The following RAB11FIP3 variants were observed in gnomAD, a reference collection of about 807,000 sequenced individuals.
The protein encoded by RAB11FIP3 is RAB11 family interacting protein 3.
Under a neutral mutation model 77.8 loss-of-function variants are expected in RAB11FIP3, and 17 were observed. The observed-to-expected ratio is 0.22, with a 90% CI of 0.15 to 0.33. RAB11FIP3 has a LOEUF of 0.33. RAB11FIP3 is among the 10% of genes least tolerant of loss of function. RAB11FIP3 has a pLI of 1.00. For synonymous variants in RAB11FIP3, 437 were observed against 448.2 expected (o/e 0.98, Z 0.31); for missense variants, 1,005 against 1,011.2 (o/e 0.99, Z 0.08).
rs187126681 is a variant in RAB11FIP3 at position 516,416 on chromosome 16, C to G, written c.1641-2527C>G. ...ATGAGGTGCTTACACTAAAAACCCC[C>G]CATGAGCACAGACACTGAGGTTATC... On this transcript the variant is annotated intron_variant, in intron 9 of 13. Transcript: ENST00000262305. Among the ~76,000 whole-genome samples the G allele has an allele frequency of 1.8e-3, 281 of 152,304 alleles. 2 individuals are homozygous for G. The highest frequency in any genetic ancestry group is 6.5e-3 in the African/African-American group (269 of 41,566).
chr16:494,188 C>CT (rs2030893523), intron 5 of RAB11FIP3, among the ~76,000 whole-genome samples: 1 of 150,014 alleles, frequency 6.7e-6, no homozygotes. Context: ...CGCACCTGGC[C>CT]ACCTGGAGGT....
chr16:474,277 C>T (rs1357013443), intron 3 of RAB11FIP3, among the ~76,000 whole-genome samples: 1 of 152,058 alleles, frequency 6.6e-6, no homozygotes, highest in African/African-American at 2.4e-5. Flanking sequence ...CCAGTCAGAC[C>T]CATTTCTCTT....
At chr16:454,690 C>G (rs2055467326) in intron 1 of RAB11FIP3, among the ~76,000 whole-genome samples, 1 of 152,118 alleles carries the variant, frequency 6.6e-6, no homozygotes, top group African/African-American at 2.4e-5. Context: ...GGAACAGAAG[C>G]CAACTTTCCT....
chr16:463,668 C>G (rs2055656077), intron 2 of RAB11FIP3, among the ~76,000 whole-genome samples: 1 of 152,156 alleles, frequency 6.6e-6, no homozygotes, highest in African/African-American at 2.4e-5. Flanking sequence ...GAACTCCTGA[C>G]CTCAGGTGAT....
chr16:518,639 C>T (rs1236187489), intron 9 of RAB11FIP3, among the ~76,000 whole-genome samples: 1 of 152,098 alleles, frequency 6.6e-6, no homozygotes, highest in South Asian at 2.1e-4. Context: ...GCAGGAGAAT[C>T]GCTTGAACCC....
At chr16:516,431 C>G (rs887741654) in intron 9 of RAB11FIP3, among the ~76,000 whole-genome samples, 2 of 152,206 alleles carry the variant, frequency 1.3e-5, no homozygotes, top group African/African-American at 4.8e-5. Context: ...AGCACAGACA[C>G]TGAGGTTATC....
intron 9 of RAB11FIP3, among the ~76,000 whole-genome samples, chr16:513,089 T>C (rs1322049481): frequency 6.6e-6 from 1 of 152,250 alleles, no homozygotes; most frequent in Admixed American, 6.5e-5. Flanking sequence ...GGGACGGTTA[T>C]TGATTTTCTG....
In RAB11FIP3 at chr16:472,664, C is replaced by T. The variant is rs910756874; in HGVS notation, c.903+1275C>T. Among the ~76,000 whole-genome samples, 2 of 152,178 alleles carry T rather than the reference C, an allele frequency of 1.3e-5. No individual in the cohort carries two copies. The highest frequency in any genetic ancestry group is 2.4e-5 in the African/African-American group (1 of 41,446). On this transcript the variant is annotated intron_variant, in intron 3 of 13. Transcript: ENST00000262305. The surrounding 1 kb of genome is among the most constrained non-coding windows in gnomAD (Gnocchi z 4.1). ...TCATGTGCCTGTGCACTCTTTCTCACGTGTATCCGTCTTTTTGTTCCCCTC... is the reference window on the plus strand; with the variant it reads ...TCATGTGCCTGTGCACTCTTTCTCATGTGTATCCGTCTTTTTGTTCCCCTC...
chr16:443,656 C>CCTAGT, intron 1 of RAB11FIP3, among the ~76,000 whole-genome samples: 1 of 152,170 alleles, frequency 6.6e-6, no homozygotes, highest in Non-Finnish European at 1.5e-5. Flanking sequence ...ACCTCTGCCT[C>CCTAGT]CCAGGTTCAA....
Position 426,100 on chromosome 16 carries a change from C to G in RAB11FIP3, c.94C>G (p.Leu32Val). 1 of 1,005,234 alleles carries G rather than the reference C, an allele frequency of 9.9e-7. No individual in the cohort carries two copies. The highest frequency in any genetic ancestry group is 1.2e-6 in the Non-Finnish European group (1 of 844,532). The allele number at this position is 1,005,234 out of a possible 1,614,324, so 62.3% of individuals were successfully genotyped here. Residue 32 changes from leucine to valine, a missense_variant, in exon 1 of 14, where the codon CTG (leucine) becomes GTG (valine). This residue lies in a region of RAB11FIP3 where 466 missense variants were observed against 408.3 expected (regional missense o/e 1.14). Coordinates refer to ENST00000262305, the MANE Select transcript of RAB11FIP3 (RefSeq NM_014700.4). The surrounding 1 kb of genome is among the most constrained non-coding windows in gnomAD (Gnocchi z 5.0). ...GGPDGPGAAQ[L>V]APGPAELRLG... ...GCCGGACGGGCCGGGGGCGGCACAA[C>G]TGGCTCCGGGCCCTGCGGAGCTACG...
At chr16:477,244 G>A (rs1428148736) in intron 3 of RAB11FIP3, among the ~76,000 whole-genome samples, 3 of 152,130 alleles carry the variant, frequency 2.0e-5, no homozygotes, top group African/African-American at 7.2e-5. Context: ...ACAAGAGCGA[G>A]ACTCTATCAA....
At chr16:479,884 C>T (rs2055998708) in intron 3 of RAB11FIP3, among the ~76,000 whole-genome samples, 1 of 152,122 alleles carries the variant, frequency 6.6e-6, no homozygotes, top group African/African-American at 2.4e-5. Context: ...CACCATTGCA[C>T]TCCAGCCTGG....
At chr16:480,010 G>A (rs1413441453) in intron 3 of RAB11FIP3, among the ~76,000 whole-genome samples, 2 of 152,104 alleles carry the variant, frequency 1.3e-5, no homozygotes, top group Non-Finnish European at 2.9e-5. Context: ...AATTCAGCCA[G>A]GCACGGTGGC....
intron 5 of RAB11FIP3, among the ~76,000 whole-genome samples, chr16:490,450 C>G (rs1397979518): frequency 1.3e-5 from 2 of 152,192 alleles, no homozygotes; most frequent in Non-Finnish European, 2.9e-5. Context: ...CAGCCTCCAC[C>G]TCCCTCAGCT....
chr16:488,039 T>A (rs1338664972), intron 4 of RAB11FIP3, among the ~76,000 whole-genome samples: 1 of 152,170 alleles, frequency 6.6e-6, no homozygotes, highest in East Asian at 1.9e-4. Flanking sequence ...GTGAAGAGGC[T>A]GGAGGTTTTG....
chr16:520,992 G>C lies in RAB11FIP3; in HGVS notation c.*153G>C, dbSNP rs987343225. ...GTGCAGCTGAGCTGGGGCCGCCAAAGACCGGGGCTGCCAAAGGGGCAGAGG... is the reference window on the plus strand; with the variant it reads ...GTGCAGCTGAGCTGGGGCCGCCAAACACCGGGGCTGCCAAAGGGGCAGAGG... On this transcript the variant is annotated 3_prime_UTR_variant, in exon 14 of 14. Transcript: ENST00000262305. 1 of 667,322 alleles carries C rather than the reference G, an allele frequency of 1.5e-6. No homozygotes were observed. Among genetic ancestry groups the C allele is most frequent in the Non-Finnish European group, 2.7e-6 (1 of 376,988 alleles). 41.3% of individuals were successfully genotyped at this position (667,322 alleles called of 1,614,324 possible). A position where few individuals can be genotyped will look rare whatever the true frequency, so the allele number is the denominator to read the frequency against.
chr16:495,161 A>G (rs1009353273), intron 5 of RAB11FIP3, among the ~76,000 whole-genome samples: 2 of 152,236 alleles, frequency 1.3e-5, no homozygotes, highest in Admixed American at 6.5e-5. Flanking sequence ...TCATTAGGGA[A>G]AGGAAAAGAA....
chr16:459,275 C>T (rs2055562334), intron 1 of RAB11FIP3, among the ~76,000 whole-genome samples: 2 of 151,462 alleles, frequency 1.3e-5, no homozygotes, highest in Admixed American at 6.6e-5. Context: ...TACAGGTTCC[C>T]ACCACCACGC....
chr16:477,375 T>G (rs1043843799), intron 3 of RAB11FIP3, among the ~76,000 whole-genome samples: 4 of 152,244 alleles, frequency 2.6e-5, no homozygotes, highest in Non-Finnish European at 5.9e-5. Context: ...TCTTTGTCAC[T>G]GATGACTCTG....
Sources: allele counts gnomAD v4.1 joint callset (sites outside exome capture counted in the v4.1 genomes callset), GRCh38; gene constraint gnomAD v4.1.1; regional missense constraint gnomAD v4.1.1; non-coding constraint Gnocchi (gnomAD v3.1); transcripts MANE v1.5; gene names NCBI Gene and HGNC (gene_info 2026-07-23, HGNC 2026-07-21).